ANKS1A: variants seen among roughly 807,000 people sequenced by gnomAD.
ANKS1A encodes ankyrin repeat and sterile alpha motif domain containing 1A.
A neutral mutation model predicts 120.3 loss-of-function variants in ANKS1A; 55 were observed. That is an observed-to-expected ratio of 0.46 (90% confidence interval 0.37 to 0.57). The LOEUF is 0.57. Ranked by LOEUF, ANKS1A falls within the 20% of genes least tolerant of loss-of-function variation. ANKS1A has a pLI of 0.00. For synonymous variants in ANKS1A, 590 were observed against 604.7 expected (o/e 0.98, Z 0.36); for missense variants, 1,123 against 1,480.3 (o/e 0.76, Z 3.96).
intron 13 of ANKS1A, among the ~76,000 whole-genome samples, chr6:35,062,358 G>A (rs920219101): frequency 1.3e-5 from 2 of 152,210 alleles, no homozygotes; most frequent in Admixed American, 1.3e-4. Context: ...GGCAAATTAT[G>A]TTTTAACAGC....
chr6:34,903,251 A>G (rs79776117), intron 1 of ANKS1A, among the ~76,000 whole-genome samples: 4 of 150,938 alleles, frequency 2.7e-5, no homozygotes, highest in African/African-American at 7.3e-5. Flanking sequence ...GTTACTTTCA[A>G]ATTGGCTCAT....
rs1322669738 is a variant in ANKS1A, at chr6:35,039,185, C to T, written c.2011-14914C>T. ...ACTATTCTGTCACCACAAAGATCTC[C>T]CTCATACTTTTTTTTTTTTTTTTTT... On this transcript the variant is annotated intron_variant, in intron 11 of 23. Transcript: ENST00000360359. Among the ~76,000 whole-genome samples the T allele has an allele frequency of 1.2e-4, 18 of 145,686 alleles. No homozygotes were observed. In the Admixed American group the frequency reaches 1.3e-3, roughly 10 times the overall value.
At chr6:35,071,276 T>C (rs1190816678) in intron 13 of ANKS1A, among the ~76,000 whole-genome samples, 1 of 152,178 alleles carries the variant, frequency 6.6e-6, no homozygotes, top group East Asian at 1.9e-4. Flanking sequence ...GAATCCTCTA[T>C]AGAATGTAAA....
chr6:34,895,136 A>G (rs1034556629), intron 1 of ANKS1A, among the ~76,000 whole-genome samples: 9 of 151,928 alleles, frequency 5.9e-5, no homozygotes, highest in Admixed American at 2.0e-4. Flanking sequence ...ATGTCAGAAA[A>G]TATGGCAAGT....
chr6:35,069,421 C>A (rs1250153916), intron 13 of ANKS1A, among the ~76,000 whole-genome samples: 1 of 151,982 alleles, frequency 6.6e-6, no homozygotes, highest in Non-Finnish European at 1.5e-5. Context: ...TAACTTAGGT[C>A]TCTTGGTATT....
chr6:34,977,116 G>A (rs1771642566), intron 3 of ANKS1A, among the ~76,000 whole-genome samples: 1 of 152,128 alleles, frequency 6.6e-6, no homozygotes, highest in African/African-American at 2.4e-5. Context: ...CAGTTCCTCA[G>A]CCTTTCTTAG....
At chr6:35,027,572 T>C (rs764853203) in intron 11 of ANKS1A, among the ~76,000 whole-genome samples, 11 of 152,202 alleles carry the variant, frequency 7.2e-5, no homozygotes, top group Non-Finnish European at 1.3e-4. Context: ...GGGGATAGGC[T>C]TTTTATTATG....
At chr6:34,983,826 CTG>C (rs1357029682) in intron 7 of ANKS1A, among the ~76,000 whole-genome samples, 1 of 145,296 alleles carries the variant, frequency 6.9e-6, no homozygotes, top group East Asian at 2.0e-4. Flanking sequence ...GAGTCTCACT[CTG>C]TTGCCCAGGC....
At chr6:34,923,340 T>C (rs1299066265) in intron 1 of ANKS1A, among the ~76,000 whole-genome samples, 2 of 152,158 alleles carry the variant, frequency 1.3e-5, no homozygotes, top group Non-Finnish European at 2.9e-5. Context: ...TGAAATAAGG[T>C]AGGTTGAGGG....
intron 1 of ANKS1A, among the ~76,000 whole-genome samples, chr6:34,915,980 C>T (rs1256494182): frequency 1.8e-4 from 25 of 140,960 alleles, no homozygotes; most frequent in African/African-American, 5.3e-4. Flanking sequence ...GGCTTCATGT[C>T]TGGATCTTTT....
At chr6:34,929,958 TG>T (rs1768905205) in intron 1 of ANKS1A, among the ~76,000 whole-genome samples, 1 of 152,174 alleles carries the variant, frequency 6.6e-6, no homozygotes, top group South Asian at 2.1e-4. Flanking sequence ...CCTATAGTCC[TG>T]GCTTATTCTC....
At chr6:34,992,003 G>A (rs1772602994) in intron 9 of ANKS1A, among the ~76,000 whole-genome samples, 1 of 152,056 alleles carries the variant, frequency 6.6e-6, no homozygotes, top group African/African-American at 2.4e-5. Flanking sequence ...TTATTGTGAG[G>A]ATTTTTAATC....
intron 1 of ANKS1A, among the ~76,000 whole-genome samples, chr6:34,911,517 T>A (rs1767906796): frequency 6.6e-6 from 1 of 152,188 alleles, no homozygotes; most frequent in Admixed American, 6.5e-5. Flanking sequence ...TCAATCACAC[T>A]GAGAGTCCTG....
intron 11 of ANKS1A, among the ~76,000 whole-genome samples, chr6:35,031,747 C>T (rs563718331): frequency 6.6e-6 from 1 of 152,324 alleles, no homozygotes; most frequent in African/African-American, 2.4e-5. Context: ...ATCCTTGCTT[C>T]CCTATTGCTA....
At chr6:35,059,659 C>T (rs909402899) in intron 12 of ANKS1A, among the ~76,000 whole-genome samples, 3 of 152,174 alleles carry the variant, frequency 2.0e-5, no homozygotes, top group Admixed American at 2.0e-4. Flanking sequence ...ACTTGCCCCT[C>T]GCCACGGCCC....
intron 1 of ANKS1A, among the ~76,000 whole-genome samples, chr6:34,899,114 G>T (rs1232318136): frequency 1.3e-5 from 2 of 152,298 alleles, no homozygotes; most frequent in East Asian, 3.9e-4. Context: ...TGAATTTGAG[G>T]ACTCATAGTA....
At chr6:34,951,846 C>T (rs978402864) in intron 1 of ANKS1A, among the ~76,000 whole-genome samples, 7 of 152,178 alleles carry the variant, frequency 4.6e-5, no homozygotes, top group African/African-American at 1.4e-4. Flanking sequence ...CTACTCATGT[C>T]CCTCTGGGAC....
intron 20 of ANKS1A, 102 bp downstream of exon 20, chr6:35,083,605 A>G (rs921996835): frequency 2.0e-5 from 22 of 1,102,556 alleles, no homozygotes; most frequent in African/African-American, 1.4e-4. Flanking sequence ...CTCATCTCTT[A>G]TCTCCCTAGA....
intron 11 of ANKS1A, among the ~76,000 whole-genome samples, chr6:35,042,140 T>C (rs941524339): frequency 3.3e-5 from 5 of 152,234 alleles, no homozygotes; most frequent in African/African-American, 9.6e-5. Flanking sequence ...CTATAAAATA[T>C]GTTCTTTGGA....
Sources: allele counts gnomAD v4.1 joint callset (sites outside exome capture counted in the v4.1 genomes callset), GRCh38; gene constraint gnomAD v4.1.1; transcripts MANE v1.5; gene names NCBI Gene and HGNC (gene_info 2026-07-23, HGNC 2026-07-21).